Variants in IL34 observed in about 807,000 individuals in gnomAD.
The protein encoded by IL34 is interleukin 34.
In IL34, 17 loss-of-function variants were observed where a neutral mutation model predicts 25.3. The ratio of observed to expected loss-of-function variants is 0.67; its 90% confidence interval spans 0.46 to 1.01. The LOEUF (loss-of-function observed/expected upper bound fraction) is 1.01. IL34 is among the 50% of genes least tolerant of loss of function. The probability of loss-of-function intolerance (pLI) is 0.00; values close to 1 mark genes in which losing one functional copy is unlikely to be tolerated. For synonymous variants in IL34, 174 were observed against 140.9 expected, an observed-to-expected ratio of 1.23 and a Z score of -1.66; for missense variants, 368 against 312.9, an observed-to-expected ratio of 1.18 and a Z score of -1.33.
At chr16:70,619,184 T>C (rs113218552) in intron 1 of IL34, among the ~76,000 whole-genome samples, 1 of 152,174 alleles carries the variant, frequency 6.6e-6, no homozygotes, top group African/African-American at 2.4e-5. Flanking sequence ...CAGGCTTTAA[T>C]CTTTTTAAAG....
rs368923655 is a variant in IL34 at position 70,657,120 on chromosome 16, C to T, written c.401C>T (p.Thr134Met). The T allele has an allele frequency of 1.0e-4, 163 of 1,611,910 alleles. No homozygotes were observed. The highest frequency in any genetic ancestry group is 5.8e-4 in the African/African-American group (43 of 74,780). The part of the protein sequence containing the change: ...TLLLNVQQGL[T>M]DVEVSPKVES... Reference sequence around the variant, plus strand: ...CTGCTGAATGTCCAGCAGGGCCTCACGGTGAGTTGTGTGGAGGAGTGGCAG... The same window carrying T: ...CTGCTGAATGTCCAGCAGGGCCTCATGGTGAGTTGTGTGGAGGAGTGGCAG... The change falls in exon 4 of 6, where the codon ACG becomes ATG. Residue 134 changes from threonine (T) to methionine (M), a missense_variant and splice_region_variant. Transcript: ENST00000288098.
chr16:70,619,624 G>T (rs942313264), intron 1 of IL34, among the ~76,000 whole-genome samples: 5 of 152,360 alleles, frequency 3.3e-5, no homozygotes, highest in Non-Finnish European at 7.3e-5. Context: ...CCTCCGTATT[G>T]ATTAAGAAGG....
In IL34 at chr16:70,583,306, C is replaced by T. The variant is rs1336758781; in HGVS notation, c.-401+3257C>T. Among the ~76,000 whole-genome samples, 5 of 151,596 alleles carry T rather than the reference C, an allele frequency of 3.3e-5. No individual in the cohort carries two copies. The East Asian group carries it at 9.8e-4, about 30-fold the overall frequency. On this transcript the variant is annotated intron_variant, in intron 1 of 6. Coordinates refer to the IL34 transcript ENST00000429149. ...TTTTGTATTTTTAGTAGAGATGGGG[C>T]TTCTCCATGTTGCCCAGGCTGCTGA...
intron 1 of IL34, among the ~76,000 whole-genome samples, chr16:70,623,224 G>A (rs2051317925): frequency 6.6e-6 from 1 of 152,046 alleles, no homozygotes; most frequent in Non-Finnish European, 1.5e-5. Context: ...CCAAGTGAAA[G>A]CGAAGAGAGG....
intron 1 of IL34, among the ~76,000 whole-genome samples, chr16:70,583,261 C>T (rs186518017): frequency 8.6e-5 from 13 of 151,944 alleles, no homozygotes; most frequent in Admixed American, 3.3e-4. Context: ...TACAGGCACG[C>T]GCCACCATGC....
intron 1 of IL34, among the ~76,000 whole-genome samples, chr16:70,623,835 C>G (rs532913192): frequency 1.3e-5 from 2 of 150,704 alleles, no homozygotes; most frequent in African/African-American, 5.0e-5. Context: ...AAGTTGGCAC[C>G]AGAGTTGGGG....
intron 1 of IL34, among the ~76,000 whole-genome samples, chr16:70,592,293 G>T (rs1253056217): frequency 2.6e-5 from 4 of 152,120 alleles, no homozygotes; most frequent in Non-Finnish European, 5.9e-5. Context: ...ACTGGAGCGG[G>T]TGCCTCCTGT....
At chr16:70,628,589 C>T (rs150676979) in intron 1 of IL34, among the ~76,000 whole-genome samples, 5,095 of 151,260 alleles carry the variant, frequency 0.034, 319 homozygotes, top group African/African-American at 0.12. Context: ...CGGGTTCAAG[C>T]GATTCTCCTA....
chr16:70,620,702 G>T (rs1203411555), intron 1 of IL34, among the ~76,000 whole-genome samples: 2 of 146,976 alleles, frequency 1.4e-5, no homozygotes, highest in Non-Finnish European at 1.5e-5. Flanking sequence ...GACCTTCTGC[G>T]TATTTTACAA....
upstream of IL34, among the ~76,000 whole-genome samples, chr16:70,641,808 C>A (rs1721864011): frequency 2.0e-3 from 1 of 488 alleles, no homozygotes; most frequent in Non-Finnish European, 6.6e-3. Context: ...CTCAAGCAAT[C>A]CACCCCCCCG....
chr16:70,645,388 G>A (rs1353925899), upstream of IL34, among the ~76,000 whole-genome samples: 1 of 152,162 alleles, frequency 6.6e-6, no homozygotes, highest in African/African-American at 2.4e-5. Flanking sequence ...AGTCATACCT[G>A]CTCTCCCCCG....
At chr16:70,635,265 C>T (rs544542659) in intron 1 of IL34, among the ~76,000 whole-genome samples, 30 of 152,256 alleles carry the variant, frequency 2.0e-4, no homozygotes, top group Non-Finnish European at 2.8e-4. Flanking sequence ...ATTTTCTTGG[C>T]GACAGATATT....
intron 1 of IL34, among the ~76,000 whole-genome samples, chr16:70,620,508 C>T (rs561744185): frequency 3.3e-5 from 5 of 151,468 alleles, no homozygotes; most frequent in African/African-American, 7.3e-5. Context: ...CTCAGCCTGG[C>T]GAGGAGGGGA....
intron 1 of IL34, among the ~76,000 whole-genome samples, chr16:70,604,902 ATGCATGTGTGTG>A (rs1392892025): frequency 3.3e-5 from 5 of 151,976 alleles, no homozygotes; most frequent in African/African-American, 7.3e-5. Flanking sequence ...GTTTGTGTGC[ATGCATGTGTGTG>A]TGCATGTGTG....
chr16:70,585,234 T>C (rs2050678968), intron 1 of IL34, among the ~76,000 whole-genome samples: 1 of 152,196 alleles, frequency 6.6e-6, no homozygotes, highest in South Asian at 2.1e-4. Context: ...TATGACTGGC[T>C]CATTTCACTT....
chr16:70,635,383 GTTTTC>G (rs771779644), intron 1 of IL34, among the ~76,000 whole-genome samples: 2 of 152,186 alleles, frequency 1.3e-5, no homozygotes, highest in African/African-American at 2.4e-5. Flanking sequence ...TTTTTGCTTT[GTTTTC>G]TTTTGTCTCC....
At chr16:70,650,684 T>C (rs2052056621) in intron 1 of IL34, among the ~76,000 whole-genome samples, 1 of 152,250 alleles carries the variant, frequency 6.6e-6, no homozygotes, top group Non-Finnish European at 1.5e-5. Flanking sequence ...CTTGCAACTG[T>C]TGCTCTAGGT....
intron 1 of IL34, among the ~76,000 whole-genome samples, chr16:70,583,799 G>A (rs1289548725): frequency 6.6e-6 from 1 of 152,042 alleles, no homozygotes; most frequent in East Asian, 1.9e-4. Context: ...TTACAGGTGT[G>A]CGCCACCACG....
At chr16:70,590,504 C>G (rs1279893759) in intron 1 of IL34, among the ~76,000 whole-genome samples, 3 of 152,198 alleles carry the variant, frequency 2.0e-5, no homozygotes, top group Admixed American at 2.0e-4. Flanking sequence ...TTGTATATAA[C>G]AAACCCTTGT....
Sources: allele counts gnomAD v4.1 joint callset (sites outside exome capture counted in the v4.1 genomes callset), GRCh38; gene constraint gnomAD v4.1.1; transcripts MANE v1.5; gene names NCBI Gene and HGNC (gene_info 2026-07-23, HGNC 2026-07-21).